Variants in MARCHF6 observed in about 807,000 individuals in gnomAD.
The protein encoded by MARCHF6 is membrane associated ring-CH-type finger 6.
A neutral mutation model predicts 133.7 loss-of-function variants in MARCHF6; 31 were observed. The observed-to-expected ratio is 0.23, with a 90% CI of 0.17 to 0.31. The LOEUF is 0.31. Among genes scored for constraint, MARCHF6 ranks in the 10% least tolerant of loss-of-function variants. The pLI is 1.00. For missense variants in MARCHF6, 723 were observed against 1,121.6 expected, an observed-to-expected ratio of 0.64 and a Z score of 5.08; for synonymous variants, 395 against 402.5, an observed-to-expected ratio of 0.98 and a Z score of 0.22.
intron 1 of MARCHF6, among the ~76,000 whole-genome samples, chr5:10,375,301 G>C (rs1003996214): frequency 6.6e-6 from 1 of 152,252 alleles, no homozygotes; most frequent in Admixed American, 6.5e-5. Flanking sequence ...TGGCACCCGG[G>C]CCAGCGGCTG....
intron 10 of MARCHF6, among the ~76,000 whole-genome samples, chr5:10,399,226 A>C (rs1006460581): frequency 6.6e-6 from 1 of 152,156 alleles, no homozygotes; most frequent in African/African-American, 2.4e-5. Flanking sequence ...AAATAGGCAA[A>C]ATTCAACATA....
chr5:10,383,950 T>A (rs1737313989), intron 4 of MARCHF6, among the ~76,000 whole-genome samples: 1 of 152,148 alleles, frequency 6.6e-6, no homozygotes, highest in African/African-American at 2.4e-5. Flanking sequence ...ACAGCATAAC[T>A]GTGCATTAAA....
At chr5:10,369,018 G>A (rs1736302775) in intron 1 of MARCHF6, among the ~76,000 whole-genome samples, 1 of 152,032 alleles carries the variant, frequency 6.6e-6, no homozygotes, top group Admixed American at 6.6e-5. Context: ...GCTAACTGTA[G>A]TCACTGGGGA....
chr5:10,355,014 T>C (rs1483783867), intron 1 of MARCHF6, among the ~76,000 whole-genome samples: 2 of 152,220 alleles, frequency 1.3e-5, no homozygotes, highest in Non-Finnish European at 2.9e-5. Flanking sequence ...ACATTCGCGT[T>C]CCATCTTCGT....
At chr5:10,430,989 A>G (rs1740334502) in intron 25 of MARCHF6, among the ~76,000 whole-genome samples, 1 of 152,226 alleles carries the variant, frequency 6.6e-6, no homozygotes, top group Admixed American at 6.5e-5. Flanking sequence ...TGGTTTATCC[A>G]TCTCAGTCGG....
At chr5:10,407,020 T>C (rs562224849) in intron 16 of MARCHF6, 82 bp from the exon 17 acceptor site, 29 of 735,694 alleles carry the variant, frequency 3.9e-5, no homozygotes, top group Admixed American at 1.3e-4. Flanking sequence ...TGCATATTGC[T>C]TGAGTGTGCT....
chr5:10,390,749 G>GTACACAGTC (rs1408324589), intron 6 of MARCHF6, among the ~76,000 whole-genome samples: 1 of 152,162 alleles, frequency 6.6e-6, no homozygotes, highest in African/African-American at 2.4e-5. Flanking sequence ...TGAAGTCCAT[G>GTACACAGTC]TACACAGTCT....
In MARCHF6 at chr5:10,397,363, T is replaced by C; in HGVS notation, c.913+19T>C. The C allele has an allele frequency of 6.7e-7, 1 of 1,500,608 alleles. No individual in the cohort carries two copies. Among genetic ancestry groups the C allele is most frequent in the South Asian group, 1.3e-5 (1 of 78,718 alleles). 93.0% of individuals were successfully genotyped at this position (1,500,608 alleles called of 1,614,324 possible). ...GTTTTTGGTAAGTTGTGTTTGTGCT[T>C]TTTTTTTTTATAGTATTATGGTAGG... On this transcript the variant is annotated intron_variant, in intron 10 of 25. Coordinates refer to ENST00000274140, the MANE Select transcript of MARCHF6 (RefSeq NM_005885.4).
intron 4 of MARCHF6, 56 bp from the exon 5 acceptor site, chr5:10,386,938 T>C: frequency 7.7e-7 from 1 of 1,296,620 alleles, no homozygotes; most frequent in Non-Finnish European, 1.1e-6. Flanking sequence ...CTTGAGCAGC[T>C]ATGTGAATTC....
intron 20 of MARCHF6, 145 bp downstream of exon 20, chr5:10,414,647 A>G (rs1169572638): frequency 1.1e-5 from 7 of 615,820 alleles, no homozygotes; most frequent in Non-Finnish European, 1.7e-5. Flanking sequence ...GGCTCAAGCA[A>G]TCCTTCCACC....
At position 10,430,026 on chromosome 5, in the gene MARCHF6, CAAGT is replaced by C. The variant is rs1561154328; in HGVS notation, c.2642+3_2642+6del. ...GCCTTTATGAACATATTAAAAATGA[CAAGT>C]AAGTCTGGCGTTCTGTTCGTCTCTT... is the stretch of plus-strand genomic sequence containing the variant. On this transcript the variant is annotated splice_donor_variant and coding_sequence_variant, in exon 25 of 26. Transcript: ENST00000274140. LOFTEE classifies it high-confidence loss of function. 4 of 1,607,784 alleles carry C rather than the reference CAAGT, an allele frequency of 2.5e-6. No individual in the cohort carries two copies. Among genetic ancestry groups the C allele is most frequent in the Non-Finnish European group, 3.4e-6 (4 of 1,175,036 alleles).
intron 22 of MARCHF6, among the ~76,000 whole-genome samples, chr5:10,423,521 T>C (rs1739933445): frequency 6.6e-6 from 1 of 152,208 alleles, no homozygotes; most frequent in African/African-American, 2.4e-5. Flanking sequence ...TTTTAAAAGA[T>C]AGAAGAACAA....
At chr5:10,362,263 T>C (rs1735873579) in intron 1 of MARCHF6, among the ~76,000 whole-genome samples, 1 of 152,252 alleles carries the variant, frequency 6.6e-6, no homozygotes. Flanking sequence ...TTACCAAATA[T>C]TGGGTACATG....
intron 1 of MARCHF6, among the ~76,000 whole-genome samples, chr5:10,360,809 C>T (rs1464462256): frequency 2.0e-5 from 3 of 152,198 alleles, no homozygotes; most frequent in Non-Finnish European, 4.4e-5. Flanking sequence ...GCTGGTAAGA[C>T]AGTGCAAAAG....
At chr5:10,367,192 A>G (rs1736188309) in intron 1 of MARCHF6, among the ~76,000 whole-genome samples, 2 of 152,228 alleles carry the variant, frequency 1.3e-5, no homozygotes, top group Admixed American at 1.3e-4. Context: ...AGAGGAGCCC[A>G]AGGAGACATG....
Position 10,390,436 on chromosome 5 carries a change from G to T in MARCHF6, c.512G>T (p.Gly171Val). ...VWLREQIVHG[G>V]APIWLEHAAP... ...TTGAGAGAGCAGATAGTCCATGGGG[G>T]AGCACCAATTTGGTTGGAGCATGCT... The change falls in exon 6 of 26, where the codon GGA (glycine) becomes GTA (valine). Residue 171 changes from glycine to valine, a missense_variant. This residue lies in a region of MARCHF6 where 97 missense variants were observed against 115.4 expected (regional missense o/e 0.84). Coordinates refer to ENST00000274140, the MANE Select transcript of MARCHF6 (RefSeq NM_005885.4). 1 of 1,613,936 alleles carries T rather than the reference G, an allele frequency of 6.2e-7. No individual in the cohort carries two copies.
At chr5:10,390,724 C>T (rs913824699) in intron 6 of MARCHF6, among the ~76,000 whole-genome samples, 10 of 152,132 alleles carry the variant, frequency 6.6e-5, no homozygotes, top group African/African-American at 1.4e-4. Context: ...GTGGGAACAG[C>T]GTTGGGGGGT....
intron 1 of MARCHF6, among the ~76,000 whole-genome samples, chr5:10,355,912 A>T (rs573617039): frequency 7.2e-5 from 11 of 152,224 alleles, no homozygotes; most frequent in Non-Finnish European, 1.2e-4. Context: ...CCTCTATAGG[A>T]TGAATCATTT....
At chr5:10,381,723 AAT>A (rs1386653280) in intron 3 of MARCHF6, 75 bp from the exon 4 acceptor site, 1 of 1,123,764 alleles carries the variant, frequency 8.9e-7, no homozygotes, top group African/African-American at 1.6e-5. Context: ...AAGTTTAGTT[AAT>A]GTCTATTTTA....
Sources: gnomAD v4.1 joint callset for allele counts (sites outside exome capture counted in the v4.1 genomes callset) on GRCh38, gnomAD v4.1.1 for gene constraint, gnomAD v4.1.1 regional missense constraint, MANE v1.5 for transcripts, NCBI Gene and HGNC (gene_info 2026-07-23, HGNC 2026-07-21) for gene names.